NOXRED1: variants seen among roughly 807,000 people sequenced by gnomAD.
NOXRED1 encodes NADP dependent oxidoreductase domain containing 1, also known as NADP-dependent oxidoreductase domain-containing protein 1.
NOXRED1 carries 20 observed loss-of-function variants against 30.4 expected under a neutral mutation model. The ratio of observed to expected loss-of-function variants is 0.66; its 90% CI spans 0.46 to 0.96. The LOEUF (loss-of-function observed/expected upper bound fraction) is 0.96, where lower values mean the gene tolerates loss of function less well. Among genes scored for constraint, NOXRED1 ranks in the 40% least tolerant of loss-of-function variants. The pLI is 0.00. For missense variants in NOXRED1, 374 were observed against 428.0 expected, an observed-to-expected ratio of 0.87 and a Z score of 1.11; for synonymous variants, 155 against 168.0, an observed-to-expected ratio of 0.92 and a Z score of 0.60.
In NOXRED1 at chr14:77,394,777, C is replaced by T. The variant is rs1267494053; in HGVS notation, c.934G>A (p.Val312Met). ...CTAAACGGAGTTTCCTTGAGTTGCA[C>T]AGCAGTCAGATCAAACCAGGGGAAA... ...RPFPWFDLTA[V>M]QLKETPFSQH... Residue 312 changes from valine to methionine, a missense_variant, in exon 6 of 6, where the codon GTG becomes ATG. Val to Met is a conservative substitution (Grantham distance 21, BLOSUM62 1). Coordinates refer to ENST00000380835, the MANE Select transcript of NOXRED1 (RefSeq NM_001113475.3). 2.5e-6 allele frequency: 4 copies of T among 1,613,526 alleles called. No homozygotes were observed. The highest frequency in any genetic ancestry group is 3.4e-6 in the Non-Finnish European group (4 of 1,179,658).
chr14:77,398,266 G>T (rs1894238277), intron 5 of NOXRED1, among the ~76,000 whole-genome samples: 1 of 152,188 alleles, frequency 6.6e-6, no homozygotes, highest in African/African-American at 2.4e-5. Context: ...ACCTCTAGGA[G>T]CTCAACCAGG....
At chr14:77,404,388 A>G (rs1266477482) in intron 5 of NOXRED1, among the ~76,000 whole-genome samples, 1 of 152,246 alleles carries the variant, frequency 6.6e-6, no homozygotes, top group Admixed American at 6.5e-5. Context: ...TCTGACTTGA[A>G]CAACTTGGTG....
chr14:77,420,600 G>T (rs1422951993), intron 1 of NOXRED1, among the ~76,000 whole-genome samples: 1 of 152,020 alleles, frequency 6.6e-6, no homozygotes, highest in East Asian at 1.9e-4. Flanking sequence ...AGCTCATTGA[G>T]CCTCTTTAAG....
chr14:77,403,931 C>T (rs970438366), intron 5 of NOXRED1, among the ~76,000 whole-genome samples: 10 of 152,102 alleles, frequency 6.6e-5, no homozygotes, highest in African/African-American at 2.4e-4. Context: ...TAACCAGGCC[C>T]GACCCTGCTT....
chr14:77,405,661 A>C (rs1362592455), intron 5 of NOXRED1, among the ~76,000 whole-genome samples: 2 of 152,222 alleles, frequency 1.3e-5, no homozygotes, highest in Non-Finnish European at 2.9e-5. Flanking sequence ...ATAGATATGC[A>C]TATACATTAT....
At chr14:77,406,622 CA>C in intron 4 of NOXRED1, 101 bp downstream of exon 4, 1 of 880,390 alleles carries the variant, frequency 1.1e-6, no homozygotes. Context: ...CACACACACA[CA>C]CACACACACA....
chr14:77,406,805 C>T lies in NOXRED1; in HGVS notation c.601G>A (p.Val201Ile), dbSNP rs775418298. 14 of 1,613,856 alleles carry T rather than the reference C, an allele frequency of 8.7e-6. No individual in the cohort carries two copies. The highest frequency in any genetic ancestry group is 5.0e-5 in the Admixed American group (3 of 60,008). The part of the protein sequence containing the change: ...QYQYDEDSVS[V>I]WGANKGVIAA... ...ATGACTCCCTTATTGGCCCCCCAGACGCTGACAGAATCTTCATCATACTGA... is the reference window on the plus strand; with the variant it reads ...ATGACTCCCTTATTGGCCCCCCAGATGCTGACAGAATCTTCATCATACTGA... The change falls in exon 4 of 6, where the codon GTC becomes ATC. Residue 201 changes from valine to isoleucine, a missense_variant. Physicochemically the swap from Val to Ile is conservative, Grantham distance 29. Coordinates refer to ENST00000380835, the MANE Select transcript of NOXRED1 (RefSeq NM_001113475.3).
intron 2 of NOXRED1, among the ~76,000 whole-genome samples, chr14:77,408,138 G>C (rs921252342): frequency 6.6e-6 from 1 of 152,168 alleles, no homozygotes; most frequent in South Asian, 2.1e-4. Flanking sequence ...AAAGTGCAGG[G>C]ATTACAGGCG....
At chr14:77,412,076 C>G (rs1215711419) in intron 2 of NOXRED1, among the ~76,000 whole-genome samples, 1 of 134,906 alleles carries the variant, frequency 7.4e-6, no homozygotes, top group Non-Finnish European at 1.5e-5. Context: ...GCACTCCAGC[C>G]TAGGTGACAG....
At chr14:77,398,651 C>T (rs1460944174) in intron 5 of NOXRED1, among the ~76,000 whole-genome samples, 1 of 152,156 alleles carries the variant, frequency 6.6e-6, no homozygotes, top group Admixed American at 6.5e-5. Flanking sequence ...CACTTCCCCT[C>T]CTCAACTCCT....
At chr14:77,416,830 G>A (rs572227415) in intron 1 of NOXRED1, among the ~76,000 whole-genome samples, 8 of 151,720 alleles carry the variant, frequency 5.3e-5, no homozygotes, top group Non-Finnish European at 8.8e-5. Context: ...CCGGGCGGGG[G>A]GCTGACCCCC....
At chr14:77,412,671 C>T (rs1000954091) in intron 2 of NOXRED1, among the ~76,000 whole-genome samples, 2 of 152,110 alleles carry the variant, frequency 1.3e-5, no homozygotes, top group African/African-American at 4.8e-5. Context: ...CACCACTACA[C>T]CTGGCTAATT....
intron 1 of NOXRED1, among the ~76,000 whole-genome samples, chr14:77,422,371 A>G (rs1012178649): frequency 6.6e-6 from 1 of 152,206 alleles, no homozygotes; most frequent in African/African-American, 2.4e-5. Flanking sequence ...GCCCCAAAAG[A>G]AAGAACTGAT....
At chr14:77,423,971 A>T (rs141260780), upstream of NOXRED1, among the ~76,000 whole-genome samples, 3,194 of 152,240 alleles carry the variant, frequency 0.021, 46 homozygotes, top group Admixed American at 0.05. Flanking sequence ...TACACCCATT[A>T]AGCAGTTACT....
At chr14:77,409,477 C>T (rs1894584481) in intron 2 of NOXRED1, among the ~76,000 whole-genome samples, 2 of 152,314 alleles carry the variant, frequency 1.3e-5, no homozygotes, top group South Asian at 4.1e-4. Context: ...CACAGCCATG[C>T]AGAACTGTGA....
chr14:77,422,946 G>A lies in NOXRED1; in HGVS notation c.-57C>T, dbSNP rs1259947206. ...ACTAATCAATTTGGCTCCCTGTCCC[G>A]GTAGAAGAGGGGTCTATGTAGGAGG... is the stretch of plus-strand genomic sequence containing the variant. On this transcript the variant is annotated 5_prime_UTR_variant, in exon 1 of 6. Transcript: ENST00000380835. 66 of 1,436,154 alleles carry A rather than the reference G, an allele frequency of 4.6e-5. No homozygotes were observed. The highest frequency in any genetic ancestry group is 5.9e-5 in the Non-Finnish European group (61 of 1,038,938). The allele number at this position is 1,436,154 out of a possible 1,614,324, so 89.0% of individuals were successfully genotyped here. A position where few individuals can be genotyped will look rare whatever the true frequency, so the allele number is the denominator to read the frequency against.
At chr14:77,416,864 G>C (rs577554726) in intron 1 of NOXRED1, among the ~76,000 whole-genome samples, 1 of 152,188 alleles carries the variant, frequency 6.6e-6, no homozygotes, top group African/African-American at 2.4e-5. Context: ...GGACGGGGCG[G>C]CTGGCCGGGC....
At chr14:77,396,738 C>G (rs533342920) in intron 5 of NOXRED1, among the ~76,000 whole-genome samples, 2 of 152,182 alleles carry the variant, frequency 1.3e-5, no homozygotes, top group South Asian at 4.2e-4. Context: ...TCCAATAAAA[C>G]ATGTACAAGA....
intron 2 of NOXRED1, 132 bp downstream of exon 2, chr14:77,413,802 C>T (rs1894727593): frequency 1.8e-6 from 1 of 553,374 alleles, no homozygotes; most frequent in South Asian, 4.4e-5. Context: ...TCTAACCTTT[C>T]TTAGGGCTAG....
Sources: allele counts gnomAD v4.1 joint callset (sites outside exome capture counted in the v4.1 genomes callset), GRCh38; gene constraint gnomAD v4.1.1; transcripts MANE v1.5; gene names NCBI Gene and HGNC (gene_info 2026-07-23, HGNC 2026-07-21).